The following LMAN1 variants were observed in gnomAD, a reference collection of about 807,000 sequenced individuals.
The protein encoded by LMAN1 is protein ERGIC-53.
In LMAN1, 32 loss-of-function variants were observed where a neutral mutation model predicts 67.8. The observed-to-expected ratio is 0.47, with a 90% CI of 0.36 to 0.63. The LOEUF (loss-of-function observed/expected upper bound fraction) is 0.63. Ranked by LOEUF, LMAN1 falls within the 30% of genes least tolerant of loss-of-function variation. The pLI, the probability that LMAN1 is intolerant of heterozygous loss-of-function variation, is 0.00. For missense variants in LMAN1, 632 were observed against 628.2 expected (o/e 1.01, Z -0.06); for synonymous variants, 235 against 219.3 (o/e 1.07, Z -0.63).
At chr18:59,358,754 C>G (rs1479562874) in intron 1 of LMAN1, among the ~76,000 whole-genome samples, 4 of 152,044 alleles carry the variant, frequency 2.6e-5, no homozygotes, top group South Asian at 2.1e-4. Context: ...ACCTCTAGAT[C>G]CAACGGAAAG....
intron 8 of LMAN1, among the ~76,000 whole-genome samples, chr18:59,340,240 C>T (rs542881426): frequency 6.6e-6 from 1 of 152,126 alleles, no homozygotes; most frequent in Non-Finnish European, 1.5e-5. Flanking sequence ...TTGATGAGAG[C>T]TTCCCAAGTC....
intron 8 of LMAN1, among the ~76,000 whole-genome samples, 163 bp from the exon 9 acceptor site, chr18:59,339,116 GATTAA>G (rs1000967428): frequency 1.3e-5 from 2 of 152,084 alleles, no homozygotes; most frequent in African/African-American, 4.8e-5. Context: ...ATTCAATAAT[GATTAA>G]ATTATTTGTT....
At position 59,349,036 on chromosome 18, in the gene LMAN1, T is replaced by C; in HGVS notation, c.763+77A>G. 2.6e-6 allele frequency: 4 copies of C among 1,523,866 alleles called. No individual in the cohort carries two copies. The Admixed American group carries it at 6.7e-5, about 25-fold the overall frequency. 94.4% of individuals were successfully genotyped at this position (1,523,866 alleles called of 1,614,324 possible). ...TTAAAAAGTTATTAGTATAAACAAG[T>C]CTACATATCCCTAATATACTATTCC... On this transcript the variant is annotated intron_variant, in intron 6 of 12. Transcript: ENST00000251047.
intron 5 of LMAN1, among the ~76,000 whole-genome samples, chr18:59,352,282 A>T (rs979174513): frequency 1.3e-5 from 2 of 152,180 alleles, no homozygotes; most frequent in Non-Finnish European, 2.9e-5. Context: ...AGTACCAATT[A>T]GCTGTCCAAT....
chr18:59,341,484 T>A (rs967358548), intron 8 of LMAN1, among the ~76,000 whole-genome samples: 1 of 152,134 alleles, frequency 6.6e-6, no homozygotes, highest in Non-Finnish European at 1.5e-5. Context: ...TTTTTGAAAA[T>A]CAGAATCATA....
intron 11 of LMAN1, 148 bp downstream of exon 11, chr18:59,332,943 T>G: frequency 1.5e-6 from 1 of 650,932 alleles, no homozygotes; most frequent in Non-Finnish European, 2.6e-6. Context: ...CCAGGACACA[T>G]GGAGATCTGC....
intron 3 of LMAN1, 44 bp downstream of exon 3, chr18:59,355,269 G>T (rs1603396173): frequency 7.2e-7 from 1 of 1,391,906 alleles, no homozygotes; most frequent in Non-Finnish European, 1.0e-6. Context: ...TAACTCTGTT[G>T]ATAGATGTAT....
chr18:59,359,250 AT>A lies in LMAN1; in HGVS notation c.-7del. 1 of 1,613,256 alleles carries A rather than the reference AT, an allele frequency of 6.2e-7. No individual in the cohort carries two copies. On this transcript the variant is annotated 5_prime_UTR_variant, in exon 1 of 13. Coordinates refer to ENST00000251047, the MANE Select transcript of LMAN1 (RefSeq NM_005570.4). ...CTTTGCCTGGATCCCGCCATCTTGG[AT>A]TCTGGAACGCGGAGGAGGGCGGGAG...
At chr18:59,354,104 T>TC (rs1443609595) in intron 4 of LMAN1, among the ~76,000 whole-genome samples, 13 of 152,196 alleles carry the variant, frequency 8.5e-5, no homozygotes, top group African/African-American at 2.4e-4. Flanking sequence ...CCACTGAGTC[T>TC]TTAAATAACA....
intron 11 of LMAN1, 141 bp downstream of exon 11, chr18:59,332,950 C>G: frequency 1.5e-6 from 1 of 676,070 alleles, no homozygotes; most frequent in Non-Finnish European, 2.5e-6. Context: ...ACATGGAGAT[C>G]TGCAATAAAT....
rs972185961 is a variant in LMAN1 at position 59,328,224 on chromosome 18, T to C, written c.*2869A>G. 6.6e-6 allele frequency: 1 copy of C among 152,202 alleles called. No homozygotes were observed. Among genetic ancestry groups the C allele is most frequent in the African/African-American group, 2.4e-5 (1 of 41,460 alleles). 9.4% of individuals were successfully genotyped at this position (152,202 alleles called of 1,614,324 possible). ...TCCCTTGTTCAAGTCATTTCTGTTT[T>C]CCCTAAGTTATCAAAAAGTACAACT... On this transcript the variant is annotated 3_prime_UTR_variant, in exon 13 of 13. Transcript: ENST00000251047.
rs1382309890 is a variant in LMAN1 at position 59,329,930 on chromosome 18, T to G, written c.*1163A>C. ...TTAAATTTGCATCTTAAAATGTCAT[T>G]TACAGACTGTTTCTGTAATACCTAG... On this transcript the variant is annotated 3_prime_UTR_variant, in exon 13 of 13. Coordinates refer to ENST00000251047, the MANE Select transcript of LMAN1 (RefSeq NM_005570.4). 6.6e-6 allele frequency: 1 copy of G among 152,174 alleles called. No individual in the cohort carries two copies. Among genetic ancestry groups the G allele is most frequent in the African/African-American group, 2.4e-5 (1 of 41,448 alleles). 9.4% of individuals were successfully genotyped at this position (152,174 alleles called of 1,614,324 possible). A position where few individuals can be genotyped will look rare whatever the true frequency, so the allele number is the denominator to read the frequency against.
chr18:59,338,525 A>G (rs370376388), intron 10 of LMAN1, 32 bp downstream of exon 10: 32 of 1,577,344 alleles, frequency 2.0e-5, no homozygotes, highest in Non-Finnish European at 2.6e-5. Context: ...AAAAAATCAC[A>G]TAACACACAA....
At position 59,359,021 on chromosome 18, in the gene LMAN1, T is replaced by G. The variant is rs758175181; in HGVS notation, c.214+10A>C. Reference sequence around the variant, plus strand: ...AGGAACCCGGCCCCCAGCCCTCTGCTCCGGCTTACTCCCCGCGTGGGCCCA... The same window carrying G: ...AGGAACCCGGCCCCCAGCCCTCTGCGCCGGCTTACTCCCCGCGTGGGCCCA... On this transcript the variant is annotated intron_variant, in intron 1 of 12. Coordinates refer to ENST00000251047, the MANE Select transcript of LMAN1 (RefSeq NM_005570.4). 2.5e-6 allele frequency: 4 copies of G among 1,613,164 alleles called. No homozygotes were observed. The highest frequency in any genetic ancestry group is 2.2e-5 in the East Asian group (1 of 44,872).
rs1237872865 is a variant in LMAN1 at position 59,328,532 on chromosome 18, A to T, written c.*2561T>A. The T allele has an allele frequency of 6.6e-6, 1 of 152,190 alleles. No individual in the cohort carries two copies. The highest frequency in any genetic ancestry group is 1.5e-5 in the Non-Finnish European group (1 of 68,020). The allele number at this position is 152,190 out of a possible 1,614,324, so 9.4% of individuals were successfully genotyped here. ...ATGTCATTGACAATAAAAATATATTATCTTCTCAGCTCAGCTCTAAATTAA... is the reference window on the plus strand; with the variant it reads ...ATGTCATTGACAATAAAAATATATTTTCTTCTCAGCTCAGCTCTAAATTAA... On this transcript the variant is annotated 3_prime_UTR_variant, in exon 13 of 13. Transcript: ENST00000251047.
chr18:59,332,554 A>G (rs1470010037), intron 11 of LMAN1, among the ~76,000 whole-genome samples: 2 of 152,170 alleles, frequency 1.3e-5, no homozygotes, highest in East Asian at 1.9e-4. Context: ...AAAAGCTTTT[A>G]AAAAGATAAA....
At chr18:59,343,502 C>A (rs1166851496) in intron 8 of LMAN1, among the ~76,000 whole-genome samples, 1 of 152,006 alleles carries the variant, frequency 6.6e-6, no homozygotes, top group East Asian at 1.9e-4. Context: ...ACCCACATAC[C>A]TACAATCAAC....
chr18:59,329,249 G>GT lies in LMAN1; in HGVS notation c.*1843dup, dbSNP rs2070733166. The GT allele has an allele frequency of 6.6e-6, 1 of 152,154 alleles. No homozygotes were observed. The highest frequency in any genetic ancestry group is 6.6e-5 in the Admixed American group (1 of 15,266). The allele number at this position is 152,154 out of a possible 1,614,324, so 9.4% of individuals were successfully genotyped here. ...TTCATAATAGCCATCTCCATTTGTA[G>GT]TAAGAATAATCAGAATGATTCCCCT... On this transcript the variant is annotated 3_prime_UTR_variant, in exon 13 of 13. Transcript: ENST00000251047.
intron 8 of LMAN1, among the ~76,000 whole-genome samples, chr18:59,345,711 C>A (rs919628081): frequency 5.3e-5 from 8 of 152,202 alleles, no homozygotes; most frequent in Non-Finnish European, 1.2e-4. Flanking sequence ...TTATTTCATA[C>A]ATGACTAAGC....
Sources: gnomAD v4.1 joint callset for allele counts (sites outside exome capture counted in the v4.1 genomes callset) on GRCh38, gnomAD v4.1.1 for gene constraint, MANE v1.5 for transcripts, NCBI Gene and HGNC (gene_info 2026-07-23, HGNC 2026-07-21) for gene names.